The following SLC25A26 variants were observed in gnomAD, a reference collection of about 807,000 sequenced individuals.
SLC25A26 encodes solute carrier family 25 member 26, also known as mitochondrial S-adenosylmethionine carrier protein.
SLC25A26 carries 36 observed loss-of-function variants against 37.8 expected under a neutral mutation model. The ratio of observed to expected loss-of-function variants is 0.95; its 90% CI spans 0.73 to 1.26. The LOEUF (loss-of-function observed/expected upper bound fraction) is 1.26, where lower values mean the gene tolerates loss of function less well. SLC25A26 is among the 50% of genes most tolerant of loss of function. The pLI, the probability that SLC25A26 is intolerant of heterozygous loss-of-function variation, is 0.00. For missense variants in SLC25A26, 390 were observed against 331.1 expected, an observed-to-expected ratio of 1.18 and a Z score of -1.38; for synonymous variants, 129 against 122.5, an observed-to-expected ratio of 1.05 and a Z score of -0.35.
At chr3:66,366,829 C>T (rs1230818935) in intron 7 of SLC25A26, among the ~76,000 whole-genome samples, 2 of 152,190 alleles carry the variant, frequency 1.3e-5, no homozygotes, top group African/African-American at 4.8e-5. Flanking sequence ...CTTTTGGAGT[C>T]ATCATACATG....
chr3:66,203,183 C>A (rs1449152346), intron 1 of SLC25A26, among the ~76,000 whole-genome samples: 2 of 152,116 alleles, frequency 1.3e-5, no homozygotes, highest in South Asian at 4.2e-4. Flanking sequence ...GAGTTTGAGA[C>A]CAGTCTCAGC....
intron 5 of SLC25A26, among the ~76,000 whole-genome samples, chr3:66,286,411 A>G (rs1205617979): frequency 3.3e-5 from 5 of 152,124 alleles, no homozygotes; most frequent in African/African-American, 1.2e-4. Context: ...TTTTGCATAT[A>G]TAGATGTCTA....
At chr3:66,230,860 G>T (rs1034764264) in intron 1 of SLC25A26, among the ~76,000 whole-genome samples, 1 of 139,780 alleles carries the variant, frequency 7.2e-6, no homozygotes, top group Non-Finnish European at 1.6e-5. Flanking sequence ...AAAAACCTAA[G>T]CAGAAGCACA....
intron 2 of SLC25A26, among the ~76,000 whole-genome samples, chr3:66,238,115 G>A (rs145041643): frequency 0.011 from 1,623 of 152,272 alleles, 30 homozygotes; most frequent in African/African-American, 0.037. Context: ...TTTTAAGTAC[G>A]TGAGAGGGGC....
At chr3:66,220,711 C>T (rs1164597589), upstream of SLC25A26, 3 of 315,524 alleles carry the variant, frequency 9.5e-6, no homozygotes, top group South Asian at 1.1e-4. Flanking sequence ...CTCCTCCCTC[C>T]GCCACAGCCA....
intron 1 of SLC25A26, among the ~76,000 whole-genome samples, chr3:66,183,829 A>C: frequency 6.6e-6 from 1 of 151,834 alleles, no homozygotes. Flanking sequence ...TTCTACCTTC[A>C]TCCTCACCCT....
intron 5 of SLC25A26, among the ~76,000 whole-genome samples, chr3:66,317,182 G>C (rs572466144): frequency 6.6e-6 from 1 of 152,160 alleles, no homozygotes; most frequent in Non-Finnish European, 1.5e-5. Context: ...AGGAGAAGAG[G>C]CCCTCTGACT....
intron 1 of SLC25A26, among the ~76,000 whole-genome samples, chr3:66,179,188 A>T (rs955599456): frequency 6.6e-6 from 1 of 152,230 alleles, no homozygotes; most frequent in African/African-American, 2.4e-5. Context: ...AGCAGCTTTA[A>T]ATGTTTTTAA....
intron 1 of SLC25A26, among the ~76,000 whole-genome samples, chr3:66,200,980 A>G (rs2071100925): frequency 1.3e-5 from 2 of 152,178 alleles, no homozygotes; most frequent in Non-Finnish European, 1.5e-5. Context: ...TTAGTCTAGT[A>G]CCGTATAATC....
chr3:66,197,115 A>T (rs2071054764), intron 1 of SLC25A26, among the ~76,000 whole-genome samples: 1 of 152,174 alleles, frequency 6.6e-6, no homozygotes, highest in Admixed American at 6.6e-5. Flanking sequence ...AAGCAATAAG[A>T]AGTTTCATTT....
chr3:66,227,431 A>G (rs972036612), intron 1 of SLC25A26, among the ~76,000 whole-genome samples: 2 of 152,282 alleles, frequency 1.3e-5, no homozygotes, highest in Middle Eastern at 6.8e-3. Context: ...AGATGAGGTA[A>G]CAACTATTTG....
intron 3 of SLC25A26, among the ~76,000 whole-genome samples, chr3:66,252,261 G>C (rs1375868712): frequency 6.6e-6 from 1 of 152,194 alleles, no homozygotes; most frequent in East Asian, 1.9e-4. Context: ...GCTTTGGTTT[G>C]TGATTGTGTG....
chr3:66,205,388 G>T (rs1010714205), intron 1 of SLC25A26, among the ~76,000 whole-genome samples: 6 of 152,302 alleles, frequency 3.9e-5, no homozygotes, highest in Admixed American at 1.3e-4. Context: ...TCCAAAGCTA[G>T]ATTATCTTAA....
At chr3:66,195,546 C>T (rs1456147248) in intron 1 of SLC25A26, among the ~76,000 whole-genome samples, 1 of 152,246 alleles carries the variant, frequency 6.6e-6, no homozygotes, top group Admixed American at 6.5e-5. Flanking sequence ...ACCACCTGTT[C>T]CTTCAAGCAA....
intron 6 of SLC25A26, among the ~76,000 whole-genome samples, chr3:66,352,435 G>GTTTTT (rs376280552): frequency 7.6e-6 from 1 of 131,158 alleles, no homozygotes; most frequent in Non-Finnish European, 1.6e-5. Flanking sequence ...TTTGTTTTTT[G>GTTTTT]TTTTTTGTTT....
At chr3:66,344,682 C>T (rs969601198) in intron 5 of SLC25A26, among the ~76,000 whole-genome samples, 1 of 152,226 alleles carries the variant, frequency 6.6e-6, no homozygotes, top group Non-Finnish European at 1.5e-5. Context: ...CAGCACTGGT[C>T]CCCTGGGCTG....
At chr3:66,330,759 C>G (rs750973031) in intron 5 of SLC25A26, among the ~76,000 whole-genome samples, 8 of 151,890 alleles carry the variant, frequency 5.3e-5, no homozygotes, top group Non-Finnish European at 7.4e-5. Context: ...ATGAATGATT[C>G]TGTCTATAAA....
intron 9 of SLC25A26, among the ~76,000 whole-genome samples, chr3:66,377,298 G>C (rs1009872564): frequency 1.3e-5 from 2 of 152,080 alleles, no homozygotes; most frequent in Admixed American, 1.3e-4. Context: ...ACTCGTTGTC[G>C]TGACGTCATG....
intron 5 of SLC25A26, among the ~76,000 whole-genome samples, chr3:66,291,699 T>C (rs1344690682): frequency 6.6e-6 from 1 of 152,222 alleles, no homozygotes; most frequent in Non-Finnish European, 1.5e-5. Context: ...TTACATTTGC[T>C]GAGGAGTGTT....
Sources: allele counts gnomAD v4.1 joint callset (sites outside exome capture counted in the v4.1 genomes callset), GRCh38; gene constraint gnomAD v4.1.1; transcripts MANE v1.5; gene names NCBI Gene and HGNC (gene_info 2026-07-23, HGNC 2026-07-21).